The following CUBN variants were observed in gnomAD, a reference collection of about 807,000 sequenced individuals.
CUBN encodes 460 kDa receptor.
CUBN carries 282 observed loss-of-function variants against 405.3 expected under a neutral mutation model. That is an observed-to-expected ratio of 0.70 (90% CI 0.63 to 0.77). CUBN has a LOEUF of 0.77. Ranked by LOEUF, CUBN falls within the 30% of genes least tolerant of loss-of-function variation. CUBN has a pLI of 0.00. For synonymous variants in CUBN, 1,684 were observed against 1,617.0 expected (o/e 1.04, Z -0.99); for missense variants, 4,514 against 4,475.2 (o/e 1.01, Z -0.25).
At position 17,047,495 on chromosome 10, in the gene CUBN, C is replaced by T; in HGVS notation, c.3248G>A (p.Gly1083Asp). Residue 1083 changes from glycine to aspartate, a missense_variant, in exon 23 of 67, where the codon GGC (glycine) becomes GAC (aspartate). Around this residue, in one of 5 missense-constraint regions of CUBN, gnomAD observed 1,448 missense variants for 1,388.0 expected, o/e 1.04. Coordinates refer to ENST00000377833, the MANE Select transcript of CUBN (RefSeq NM_001081.4). ...ECIYRITVRT[G>D]QLIAVHFTNF... Reference sequence around the variant, plus strand: ...TGTGAAGTGCACTGCAATCAGTTGGCCAGTTCTCACTGTGATCCGATAAAT... The same window carrying T: ...TGTGAAGTGCACTGCAATCAGTTGGTCAGTTCTCACTGTGATCCGATAAAT... The T allele has an allele frequency of 6.2e-7, 1 of 1,613,950 alleles. No homozygotes were observed. Among genetic ancestry groups the T allele is most frequent in the Non-Finnish European group, 8.5e-7 (1 of 1,179,872 alleles).
intron 60 of CUBN, among the ~76,000 whole-genome samples, chr10:16,847,776 C>G (rs1375951866): frequency 6.6e-6 from 1 of 152,192 alleles, no homozygotes; most frequent in Admixed American, 6.5e-5. Context: ...AACCCTTTCA[C>G]AAACGATCAT....
chr10:17,007,016 G>C (rs1002694829), intron 28 of CUBN, among the ~76,000 whole-genome samples: 2 of 152,092 alleles, frequency 1.3e-5, no homozygotes, highest in Non-Finnish European at 2.9e-5. Flanking sequence ...TCACTCTCTC[G>C]CTCACAAAGC....
At chr10:17,109,777 A>G (rs778254846) in intron 9 of CUBN, 42 bp from the exon 10 acceptor site, 1 of 1,492,134 alleles carries the variant, frequency 6.7e-7, no homozygotes, top group East Asian at 2.3e-5. Flanking sequence ...CAATGTCAAG[A>G]AGATGGGAGG....
chr10:16,931,893 A>AT (rs974192413), intron 40 of CUBN, among the ~76,000 whole-genome samples: 20 of 152,316 alleles, frequency 1.3e-4, no homozygotes, highest in Admixed American at 5.2e-4. Context: ...CCTACTTAAG[A>AT]TTTTTTTCAA....
chr10:16,866,889 G>C (rs550086736), intron 59 of CUBN, among the ~76,000 whole-genome samples: 1 of 152,294 alleles, frequency 6.6e-6, no homozygotes, highest in Admixed American at 6.5e-5. Flanking sequence ...TTAGTAATTA[G>C]CAACTAGGGA....
chr10:17,056,204 G>A (rs1835391562), intron 22 of CUBN, among the ~76,000 whole-genome samples: 1 of 152,032 alleles, frequency 6.6e-6, no homozygotes, highest in African/African-American at 2.4e-5. Context: ...AATAAATGGT[G>A]CTTGAACAAT....
At chr10:16,835,448 C>T (rs1270373527) in intron 63 of CUBN, among the ~76,000 whole-genome samples, 1 of 152,178 alleles carries the variant, frequency 6.6e-6, no homozygotes, top group Admixed American at 6.5e-5. Context: ...GGAGGCTTCT[C>T]CTTTAAAGAC....
intron 30 of CUBN, among the ~76,000 whole-genome samples, chr10:16,983,747 T>C (rs1833343591): frequency 6.6e-6 from 1 of 152,234 alleles, no homozygotes; most frequent in African/African-American, 2.4e-5. Context: ...GATTCACAAA[T>C]TTAATGTTTG....
At chr10:16,946,179 T>C (rs1353003180) in intron 36 of CUBN, among the ~76,000 whole-genome samples, 1 of 152,214 alleles carries the variant, frequency 6.6e-6, no homozygotes, top group Non-Finnish European at 1.5e-5. Context: ...AAAACGGCAA[T>C]TTAAATTCCA....
chr10:16,911,735 G>T (rs1236418175), intron 48 of CUBN, among the ~76,000 whole-genome samples: 2 of 152,002 alleles, frequency 1.3e-5, no homozygotes, highest in African/African-American at 4.8e-5. Flanking sequence ...AATTTCAAAG[G>T]TAAAAAACAA....
At chr10:17,010,631 C>A (rs1834154277) in intron 28 of CUBN, among the ~76,000 whole-genome samples, 1 of 150,834 alleles carries the variant, frequency 6.6e-6, no homozygotes. Context: ...AGAGCAAGAT[C>A]CTATCTTGAT....
At chr10:16,979,693 A>G (rs1833208409) in intron 31 of CUBN, among the ~76,000 whole-genome samples, 1 of 152,232 alleles carries the variant, frequency 6.6e-6, no homozygotes, top group African/African-American at 2.4e-5. Flanking sequence ...AAATTAACTC[A>G]AGATGGATTA....
At chr10:17,001,674 A>C (rs947633592) in intron 28 of CUBN, among the ~76,000 whole-genome samples, 6 of 152,212 alleles carry the variant, frequency 3.9e-5, no homozygotes, top group Non-Finnish European at 4.4e-5. Context: ...ATGTCAATTA[A>C]ACCAATGCAC....
intron 31 of CUBN, among the ~76,000 whole-genome samples, chr10:16,961,051 T>C (rs1424552908): frequency 6.6e-6 from 1 of 152,116 alleles, no homozygotes; most frequent in African/African-American, 2.4e-5. Flanking sequence ...AGCCAAACAT[T>C]TATGAAATTT....
chr10:17,093,443 A>C (rs1452930340), intron 14 of CUBN, among the ~76,000 whole-genome samples: 1 of 152,188 alleles, frequency 6.6e-6, no homozygotes, highest in Non-Finnish European at 1.5e-5. Flanking sequence ...TACAGGAGTA[A>C]GATTCATATT....
At chr10:16,920,234 G>A (rs1323980264) in intron 43 of CUBN, 97 bp from the exon 44 acceptor site, 19 of 1,239,332 alleles carry the variant, frequency 1.5e-5, no homozygotes, top group Middle Eastern at 1.9e-4. Context: ...TCTGTATTTT[G>A]TCTCCATTTC....
intron 36 of CUBN, among the ~76,000 whole-genome samples, chr10:16,945,837 C>T (rs1436447875): frequency 6.6e-6 from 1 of 151,208 alleles, no homozygotes; most frequent in Non-Finnish European, 1.5e-5. Flanking sequence ...ACTTGCATTG[C>T]CTTTCGGCAT....
intron 3 of CUBN, among the ~76,000 whole-genome samples, 170 bp downstream of exon 3, chr10:17,127,659 A>G (rs972007685): frequency 3.9e-5 from 6 of 152,086 alleles, no homozygotes; most frequent in Non-Finnish European, 8.8e-5. Context: ...CCTTCTGTCC[A>G]TCACTTCTAC....
At chr10:17,033,442 C>G (rs1834826007) in intron 27 of CUBN, among the ~76,000 whole-genome samples, 1 of 152,164 alleles carries the variant, frequency 6.6e-6, no homozygotes, top group South Asian at 2.1e-4. Context: ...AAAACTGATG[C>G]TAAAACAGTC....
Sources: gnomAD v4.1 joint callset for allele counts (sites outside exome capture counted in the v4.1 genomes callset) on GRCh38, gnomAD v4.1.1 for gene constraint, gnomAD v4.1.1 regional missense constraint, MANE v1.5 for transcripts, NCBI Gene and HGNC (gene_info 2026-07-23, HGNC 2026-07-21) for gene names.